ATXN7L1: variants seen among roughly 807,000 people sequenced by gnomAD.
The protein encoded by ATXN7L1 is ataxin 7 like 1.
A neutral mutation model predicts 70.8 loss-of-function variants in ATXN7L1; 15 were observed. The observed-to-expected ratio is 0.21, with a 90% CI of 0.14 to 0.33. The LOEUF is 0.33. Ranked by LOEUF, ATXN7L1 falls within the 10% of genes least tolerant of loss-of-function variation. The pLI is 1.00. For synonymous variants in ATXN7L1, 440 were observed against 445.1 expected, an observed-to-expected ratio of 0.99 and a Z score of 0.14; for missense variants, 975 against 1,097.1, an observed-to-expected ratio of 0.89 and a Z score of 1.57.
chr7:105,654,526 G>C (rs1025086088), intron 4 of ATXN7L1, among the ~76,000 whole-genome samples: 1 of 152,236 alleles, frequency 6.6e-6, no homozygotes, highest in Admixed American at 6.5e-5. Context: ...CAGAAGGCCA[G>C]GGGTCAAGTC....
At chr7:105,617,949 G>T in intron 9 of ATXN7L1, 1 of 456,758 alleles carries the variant, frequency 2.2e-6, no homozygotes. Context: ...CCTGGGGTTT[G>T]GGCAGCGAGG....
intron 3 of ATXN7L1, among the ~76,000 whole-genome samples, chr7:105,768,394 C>A (rs1471606427): frequency 6.6e-6 from 1 of 152,224 alleles, no homozygotes; most frequent in Non-Finnish European, 1.5e-5. Flanking sequence ...AGATCGCTTT[C>A]TCTCAACTTC....
chr7:105,821,404 C>CT (rs1251248533), intron 2 of ATXN7L1, among the ~76,000 whole-genome samples: 2 of 152,226 alleles, frequency 1.3e-5, no homozygotes, highest in Non-Finnish European at 2.9e-5. Context: ...AAAAAACTGA[C>CT]TAACACACAC....
chr7:105,832,435 G>A (rs1416273754), intron 2 of ATXN7L1, among the ~76,000 whole-genome samples: 2 of 152,148 alleles, frequency 1.3e-5, no homozygotes, highest in African/African-American at 4.8e-5. Flanking sequence ...TGAAGATTAC[G>A]ATTTGCTACA....
intron 3 of ATXN7L1, among the ~76,000 whole-genome samples, chr7:105,751,011 A>G (rs1174684447): frequency 6.6e-6 from 1 of 152,180 alleles, no homozygotes; most frequent in East Asian, 1.9e-4. Context: ...ATGCTGTAAT[A>G]ATGGCATAGG....
chr7:105,667,089 A>T (rs4730099), intron 3 of ATXN7L1, among the ~76,000 whole-genome samples: 77,119 of 152,100 alleles, frequency 0.51, 20,015 homozygotes, highest in Middle Eastern at 0.61. Context: ...CAAAATATTG[A>T]ACAATTTTAC....
Position 105,874,257 on chromosome 7 carries a change from C to T in ATXN7L1, c.250+1555G>A, listed in dbSNP as rs78241783. On this transcript the variant is annotated intron_variant, in intron 2 of 11. Coordinates refer to ENST00000419735, the MANE Select transcript of ATXN7L1 (RefSeq NM_020725.2). ...TGTGTGATAGTCATAACGCATCACC[C>T]AGACCTGAGAGGTGACAATCCTGTG... Among the ~76,000 whole-genome samples, 41 of 152,202 alleles carry T rather than the reference C, an allele frequency of 2.7e-4. No homozygotes were observed. In the East Asian group the frequency reaches 7.7e-3, roughly 29 times the overall value.
chr7:105,745,144 T>C (rs1371297547), intron 3 of ATXN7L1, among the ~76,000 whole-genome samples: 1 of 152,202 alleles, frequency 6.6e-6, no homozygotes, highest in Non-Finnish European at 1.5e-5. Flanking sequence ...GAGAATATCT[T>C]TGTTTTTAGA....
At chr7:105,802,881 A>T (rs1212859870) in intron 2 of ATXN7L1, among the ~76,000 whole-genome samples, 3 of 152,198 alleles carry the variant, frequency 2.0e-5, no homozygotes, top group African/African-American at 7.2e-5. Flanking sequence ...TTTCTGATTC[A>T]GAGGCATGAC....
chr7:105,736,236 G>A (rs555395719), intron 3 of ATXN7L1, among the ~76,000 whole-genome samples: 1 of 152,366 alleles, frequency 6.6e-6, no homozygotes, highest in Admixed American at 6.5e-5. Context: ...AATGCATGAG[G>A]AACAGGGAAG....
chr7:105,629,463 T>C (rs1796251410), intron 7 of ATXN7L1, among the ~76,000 whole-genome samples: 1 of 148,228 alleles, frequency 6.7e-6, no homozygotes, highest in Non-Finnish European at 1.5e-5. Context: ...TTAAATAATA[T>C]ATATAATTAT....
At chr7:105,702,721 T>C (rs569445537) in intron 3 of ATXN7L1, among the ~76,000 whole-genome samples, 2 of 152,342 alleles carry the variant, frequency 1.3e-5, no homozygotes, top group East Asian at 3.9e-4. Flanking sequence ...GGCTCATGCC[T>C]GTAATCCCAG....
chr7:105,625,596 T>C (rs1354429728), intron 7 of ATXN7L1, among the ~76,000 whole-genome samples: 6 of 152,208 alleles, frequency 3.9e-5, no homozygotes, highest in African/African-American at 1.2e-4. Context: ...TGGGGCATGA[T>C]TGGCTCATAG....
At chr7:105,740,746 CTCAG>C (rs1250507136) in intron 3 of ATXN7L1, among the ~76,000 whole-genome samples, 1 of 150,182 alleles carries the variant, frequency 6.7e-6, no homozygotes, top group Non-Finnish European at 1.5e-5. Flanking sequence ...ACAGCAGCTG[CTCAG>C]TCAAAGGTGG....
chr7:105,738,232 C>T (rs975703169), intron 3 of ATXN7L1, among the ~76,000 whole-genome samples: 24 of 152,228 alleles, frequency 1.6e-4, no homozygotes, highest in Admixed American at 1.0e-3. Flanking sequence ...CATCAAGTGG[C>T]TTTCTAAGCC....
chr7:105,819,355 A>C (rs1180420753), intron 2 of ATXN7L1: 1 of 446,036 alleles, frequency 2.2e-6, no homozygotes. Flanking sequence ...TGGGTTGGCT[A>C]TTAAAAAAAA....
At chr7:105,663,974 T>G (rs1324109694) in intron 4 of ATXN7L1, among the ~76,000 whole-genome samples, 1 of 152,138 alleles carries the variant, frequency 6.6e-6, no homozygotes, top group Non-Finnish European at 1.5e-5. Flanking sequence ...TTCGCCACGT[T>G]GGTCAGGCCG....
Position 105,701,180 on chromosome 7 carries a change from C to T in ATXN7L1, c.356-35892G>A, listed in dbSNP as rs908941131. ...TACTGTACCCCTAGACAACCTAAATCACAAGCAATCAGGCACTAGTTAAAT... is the reference window on the plus strand; with the variant it reads ...TACTGTACCCCTAGACAACCTAAATTACAAGCAATCAGGCACTAGTTAAAT... On this transcript the variant is annotated intron_variant, in intron 3 of 11. Coordinates refer to ENST00000419735, the MANE Select transcript of ATXN7L1 (RefSeq NM_020725.2). Among the ~76,000 whole-genome samples the T allele has an allele frequency of 6.6e-5, 10 of 152,232 alleles. 1 individual carries two copies. The East Asian group carries it at 1.9e-3, about 29-fold the overall frequency.
chr7:105,794,236 T>A (rs972560981), intron 2 of ATXN7L1, among the ~76,000 whole-genome samples: 1 of 152,052 alleles, frequency 6.6e-6, no homozygotes, highest in Non-Finnish European at 1.5e-5. Flanking sequence ...TAAGTTGGGA[T>A]TTAAAGTGGT....
Sources: allele counts gnomAD v4.1 joint callset (sites outside exome capture counted in the v4.1 genomes callset), GRCh38; gene constraint gnomAD v4.1.1; transcripts MANE v1.5; gene names NCBI Gene and HGNC (gene_info 2026-07-23, HGNC 2026-07-21).